Variants in TANC1 observed in about 807,000 individuals in gnomAD.
The protein encoded by TANC1 is tetratricopeptide repeat, ankyrin repeat and coiled-coil containing 1.
Under a neutral mutation model 149.7 loss-of-function variants are expected in TANC1, and 77 were observed. That is an observed-to-expected ratio of 0.51 (90% CI 0.43 to 0.62). The LOEUF is 0.62. Ranked by LOEUF, TANC1 falls within the 20% of genes least tolerant of loss-of-function variation. The pLI, the probability that TANC1 is intolerant of heterozygous loss-of-function variation, is 0.00. For missense variants in TANC1, 1,985 were observed against 2,321.8 expected (o/e 0.85, Z 2.98); for synonymous variants, 854 against 925.0 (o/e 0.92, Z 1.39).
Position 159,230,190 on chromosome 2 carries a change from C to T in TANC1, c.4764C>T (p.Phe1588=). 2.5e-6 allele frequency: 4 copies of T among 1,614,062 alleles called. No individual in the cohort carries two copies. Among genetic ancestry groups the T allele is most frequent in the Non-Finnish European group, 3.4e-6 (4 of 1,180,040 alleles). ...RTQHLEGTGT[F]TTRAGCGHFG... The stretch of plus-strand genomic sequence containing the variant: ...AGCATTTAGAGGGAACAGGTACTTT[C>T]ACTACAAGAGCTGGTTGTGGCCACT... The change falls in exon 27 of 27, where the codon TTC becomes TTT. Residue 1588 remains phenylalanine, a synonymous_variant. Coordinates refer to ENST00000263635, the MANE Select transcript of TANC1 (RefSeq NM_033394.3). This position sits in a 1 kb window ranked among gnomAD's most constrained non-coding sequence, Gnocchi z 4.4.
At chr2:159,159,632 G>A (rs1368900704) in intron 7 of TANC1, among the ~76,000 whole-genome samples, 2 of 150,906 alleles carry the variant, frequency 1.3e-5, no homozygotes, top group Non-Finnish European at 2.9e-5. Flanking sequence ...TTAAAAATAC[G>A]CTGTATGTAT....
chr2:159,186,867 T>TGATTGTTTCCAAGATCTGTCTC (rs1263159681), intron 15 of TANC1, 35 bp from the exon 16 acceptor site: 4 of 1,613,846 alleles, frequency 2.5e-6, no homozygotes, highest in Non-Finnish European at 3.4e-6. Flanking sequence ...GATCTGTCTC[T>TGATTGTTTCCAAGATCTGTCTC]GATTGTTTCC....
Position 159,023,359 on chromosome 2 carries a change from T to G in TANC1, c.-16+22170T>G, listed in dbSNP as rs181287668. On this transcript the variant is annotated intron_variant, in intron 2 of 26. Coordinates refer to ENST00000263635, the MANE Select transcript of TANC1 (RefSeq NM_033394.3). The stretch of plus-strand genomic sequence containing the variant: ...CCATGGCCTTTTTTTTTCTTTTTTT[T>G]TGAGGCAGAGTCTCGCTCTGTCACC... 3.3e-4 allele frequency among the ~76,000 whole-genome samples: 50 copies of G among 152,080 alleles called. 1 individual carries two copies. In the East Asian group the frequency reaches 9.5e-3, roughly 29 times the overall value.
At chr2:158,974,228 C>T (rs1027353301) in intron 1 of TANC1, among the ~76,000 whole-genome samples, 1 of 152,110 alleles carries the variant, frequency 6.6e-6, no homozygotes, top group Non-Finnish European at 1.5e-5. Context: ...GTTCCCTGTG[C>T]CTAGGCTCAC....
chr2:158,980,167 T>C (rs2034133750), intron 1 of TANC1, among the ~76,000 whole-genome samples: 1 of 152,156 alleles, frequency 6.6e-6, no homozygotes, highest in Non-Finnish European at 1.5e-5. Flanking sequence ...GTAAACCAGG[T>C]ATTTTTGTTT....
At chr2:159,147,287 G>A (rs978533753) in intron 5 of TANC1, among the ~76,000 whole-genome samples, 69 of 152,302 alleles carry the variant, frequency 4.5e-4, no homozygotes, top group African/African-American at 1.5e-3. Flanking sequence ...AAAGGGAAGG[G>A]GGGTGTGGAG....
At chr2:159,072,080 CA>C (rs1553537567) in intron 3 of TANC1, among the ~76,000 whole-genome samples, 1 of 150,008 alleles carries the variant, frequency 6.7e-6, no homozygotes, top group Non-Finnish European at 1.5e-5. Flanking sequence ...CTCCTAGGTT[CA>C]AGCGATTTTC....
intron 2 of TANC1, among the ~76,000 whole-genome samples, chr2:159,057,543 T>C (rs1371637874): frequency 6.6e-6 from 1 of 152,242 alleles, no homozygotes; most frequent in East Asian, 1.9e-4. Context: ...CCAGGGCAAG[T>C]TTCTCCATTG....
intron 3 of TANC1, among the ~76,000 whole-genome samples, chr2:159,094,465 G>A (rs6736373): frequency 0.18 from 27,828 of 152,082 alleles, 2,784 homozygotes; most frequent in East Asian, 0.34. Flanking sequence ...TGAGAGTGAG[G>A]TGGTGATGAG....
chr2:159,063,855 C>T (rs952499811), intron 2 of TANC1, among the ~76,000 whole-genome samples: 2 of 152,098 alleles, frequency 1.3e-5, no homozygotes, highest in Non-Finnish European at 2.9e-5. Context: ...GATGCCTATT[C>T]TGAGTGGCCT....
intron 3 of TANC1, among the ~76,000 whole-genome samples, chr2:159,082,545 T>C (rs959367596): frequency 1.3e-5 from 2 of 152,192 alleles, no homozygotes; most frequent in African/African-American, 4.8e-5. Flanking sequence ...TATTTTTGTT[T>C]CCTAGCTCAC....
At chr2:159,089,153 T>C (rs1009300918) in intron 3 of TANC1, among the ~76,000 whole-genome samples, 1 of 151,198 alleles carries the variant, frequency 6.6e-6, no homozygotes, top group Non-Finnish European at 1.5e-5. Flanking sequence ...GCTCTGATGT[T>C]TTATAGACTG....
intron 7 of TANC1, among the ~76,000 whole-genome samples, chr2:159,156,688 G>A (rs1336206878): frequency 8.5e-5 from 13 of 152,196 alleles, no homozygotes; most frequent in Admixed American, 4.6e-4. Context: ...ACCACTAATC[G>A]AACTCTTTTC....
chr2:159,231,071 TTAAA>T lies in TANC1; in HGVS notation c.*62_*65del, dbSNP rs763917851. On this transcript the variant is annotated 3_prime_UTR_variant, in exon 27 of 27. Coordinates refer to ENST00000263635, the MANE Select transcript of TANC1 (RefSeq NM_033394.3). ...ACGTGTGTTGACTCCTGGTGGTAAA[TTAAA>T]TAGTTTTTTTCATCAGAAAAATTAT... is the stretch of plus-strand genomic sequence containing the variant. 37 of 1,345,744 alleles carry T rather than the reference TTAAA, an allele frequency of 2.7e-5. No homozygotes were observed. Among genetic ancestry groups the T allele is most frequent in the African/African-American group, 4.4e-5 (3 of 68,372 alleles). The allele number at this position is 1,345,744 out of a possible 1,614,324, so 83.4% of individuals were successfully genotyped here.
chr2:159,179,673 A>G (rs1049993513), intron 14 of TANC1, among the ~76,000 whole-genome samples: 4 of 152,074 alleles, frequency 2.6e-5, no homozygotes, highest in South Asian at 2.1e-4. Flanking sequence ...GAGCACCATG[A>G]TCCAATCTAG....
At position 159,092,088 on chromosome 2, in the gene TANC1, G is replaced by A. The variant is rs1574602423; in HGVS notation, c.62-5549G>A. Among the ~76,000 whole-genome samples the A allele has an allele frequency of 1.3e-5, 2 of 152,250 alleles. 1 individual carries two copies. Among genetic ancestry groups the A allele is most frequent in the Middle Eastern group, 6.8e-3 (2 of 294 alleles). On this transcript the variant is annotated intron_variant, in intron 3 of 26. Coordinates refer to ENST00000263635, the MANE Select transcript of TANC1 (RefSeq NM_033394.3). ...AACACATTTAATGCCCTAGTTAAAT[G>A]CATTGCACAAGTTCCGTTTTCTGGA...
At position 159,039,230 on chromosome 2, in the gene TANC1, TTCTTC is replaced by T. The variant is rs2040435757; in HGVS notation, c.-15-26659_-15-26655del. On this transcript the variant is annotated intron_variant, in intron 2 of 26. Coordinates refer to ENST00000263635, the MANE Select transcript of TANC1 (RefSeq NM_033394.3). Reference sequence around the variant, plus strand: ...ATCATTTTTTATTGCATCTGTTTGATTCTTCTCTTCTTTATTAGTCTTGCTAGCGG... The same window carrying T: ...ATCATTTTTTATTGCATCTGTTTGATTCTTCTTTATTAGTCTTGCTAGCGG... 2.6e-5 allele frequency among the ~76,000 whole-genome samples: 4 copies of T among 152,212 alleles called. No individual in the cohort carries two copies. In the South Asian group the frequency reaches 8.3e-4, roughly 32 times the overall value.
At chr2:159,034,426 GC>G (rs2040021039) in intron 2 of TANC1, among the ~76,000 whole-genome samples, 1 of 152,154 alleles carries the variant, frequency 6.6e-6, no homozygotes, top group Admixed American at 6.5e-5. Context: ...CTCAATCCTG[GC>G]TACACATTAA....
intron 4 of TANC1, among the ~76,000 whole-genome samples, chr2:159,117,907 A>G (rs1359432870): frequency 3.4e-5 from 5 of 148,890 alleles, no homozygotes. Context: ...TTGCCCCTCT[A>G]CTGGAGTTTT....
Sources: allele counts gnomAD v4.1 joint callset (sites outside exome capture counted in the v4.1 genomes callset), GRCh38; gene constraint gnomAD v4.1.1; non-coding constraint Gnocchi (gnomAD v3.1); transcripts MANE v1.5; gene names NCBI Gene and HGNC (gene_info 2026-07-23, HGNC 2026-07-21).